Variants in OSTM1 observed in about 807,000 individuals in gnomAD.
The protein encoded by OSTM1 is osteopetrosis-associated transmembrane protein 1.
A neutral mutation model predicts 35.4 loss-of-function variants in OSTM1; 26 were observed. That is an observed-to-expected ratio of 0.73 (90% CI 0.54 to 1.02). The LOEUF (loss-of-function observed/expected upper bound fraction) is 1.02. Among genes scored for constraint, OSTM1 ranks in the 50% least tolerant of loss-of-function variants. The pLI, the probability that OSTM1 is intolerant of heterozygous loss-of-function variation, is 0.00. For missense variants in OSTM1, 366 were observed against 409.6 expected (o/e 0.89, Z 0.92); for synonymous variants, 181 against 165.0 (o/e 1.10, Z -0.75).
In OSTM1 at chr6:108,074,556, C is replaced by G; in HGVS notation, c.96G>C (p.Ala32=). ...LLLWSGLALG[A]LPFGSSPHRV... ...TGTGCGGACTGCTGCCGAAGGGGAG[C>G]GCGCCCAGGGCCAGCCCCGACCACA... The change falls in exon 1 of 6, where the codon GCG becomes GCC. Residue 32 remains alanine (A), a synonymous_variant. Transcript: ENST00000193322. The G allele has an allele frequency of 6.4e-7, 1 of 1,557,850 alleles. No individual in the cohort carries two copies. The highest frequency in any genetic ancestry group is 1.2e-5 in the South Asian group (1 of 85,140).
chr6:108,046,692 C>A (rs1771981528), intron 5 of OSTM1, among the ~76,000 whole-genome samples: 1 of 152,122 alleles, frequency 6.6e-6, no homozygotes, highest in Non-Finnish European at 1.5e-5. Flanking sequence ...AACATGACTT[C>A]CTGGACGAGT....
rs779470239 is a variant in OSTM1, at chr6:108,051,185, CTA to C, written c.627_628del (p.His209GlnfsTer17). 1.2e-6 allele frequency: 2 copies of C among 1,611,846 alleles called. No homozygotes were observed. The highest frequency in any genetic ancestry group is 1.7e-6 in the Non-Finnish European group (2 of 1,178,148). ...TGAATAATTTTTTGTCTGTAAAAGA[CTA>C]TGTGCATTCCCCTAAAATGACAAAG... is the stretch of plus-strand genomic sequence containing the variant. On this transcript the variant is annotated frameshift_variant, in exon 4 of 6. Coordinates refer to ENST00000193322, the MANE Select transcript of OSTM1 (RefSeq NM_014028.4). LOFTEE classifies it high-confidence loss of function.
intron 1 of OSTM1, among the ~76,000 whole-genome samples, chr6:108,067,828 T>C (rs1313233192): frequency 7.7e-5 from 6 of 77,802 alleles, no homozygotes; most frequent in Non-Finnish European, 1.5e-4. Flanking sequence ...AGCCTCTGTC[T>C]AAAAAAAAAA....
intron 5 of OSTM1, among the ~76,000 whole-genome samples, chr6:108,048,163 T>A (rs933332705): frequency 1.3e-5 from 2 of 152,140 alleles, no homozygotes; most frequent in Non-Finnish European, 2.9e-5. Context: ...TTTAAAAAAA[T>A]TAGATATATT....
At chr6:108,060,024 T>C (rs990137967) in intron 2 of OSTM1, among the ~76,000 whole-genome samples, 7 of 152,216 alleles carry the variant, frequency 4.6e-5, no homozygotes, top group Admixed American at 4.6e-4. Flanking sequence ...AGGGTACAAA[T>C]GCAAATACGG....
In OSTM1 at chr6:108,042,115, T is replaced by C. The variant is rs1431477019; in HGVS notation, c.*2670A>G. On this transcript the variant is annotated 3_prime_UTR_variant, in exon 6 of 6. Transcript: ENST00000193322. Reference sequence around the variant, plus strand: ...CCCAATATAAGTAACATTTACCAACTAGACTCTGGGCTACACTTTAAAATA... The same window carrying C: ...CCCAATATAAGTAACATTTACCAACCAGACTCTGGGCTACACTTTAAAATA... 1 of 151,654 alleles carries C rather than the reference T, an allele frequency of 6.6e-6. No homozygotes were observed. Among genetic ancestry groups the C allele is most frequent in the African/African-American group, 2.4e-5 (1 of 41,282 alleles). The allele number at this position is 151,654 out of a possible 1,614,324, so 9.4% of individuals were successfully genotyped here. A position where few individuals can be genotyped will look rare whatever the true frequency, so the allele number is the denominator to read the frequency against.
chr6:108,062,362 G>C (rs1383246155), intron 2 of OSTM1, among the ~76,000 whole-genome samples: 1 of 152,042 alleles, frequency 6.6e-6, no homozygotes, highest in Non-Finnish European at 1.5e-5. Flanking sequence ...ATTTCATTAT[G>C]CTACTCAGAA....
chr6:108,064,292 G>C lies in OSTM1; in HGVS notation c.410C>G (p.Ser137Ter), dbSNP rs2114606433. Residue 137 changes from serine to a stop codon, truncating the protein, a stop_gained, in exon 2 of 6, where the codon TCA becomes TGA. Coordinates refer to ENST00000193322, the MANE Select transcript of OSTM1 (RefSeq NM_014028.4). LOFTEE classifies it high-confidence loss of function. Reference protein sequence around the residue: ...DNISRAAGNTSESQSCARSLL... With the variant: ...DNISRAAGNT The stretch of plus-strand genomic sequence containing the variant: ...ACTTCTGGCACAACTCTGACTCTCT[G>C]AAGTATTCTGTAACAAAAAGAAGAC... The C allele has an allele frequency of 1.3e-6, 2 of 1,519,944 alleles. No individual in the cohort carries two copies. The highest frequency in any genetic ancestry group is 1.1e-5 in the South Asian group (1 of 89,358). 94.2% of individuals were successfully genotyped at this position (1,519,944 alleles called of 1,614,324 possible).
At chr6:108,058,073 A>G (rs1295498163) in intron 2 of OSTM1, among the ~76,000 whole-genome samples, 1 of 145,166 alleles carries the variant, frequency 6.9e-6, no homozygotes, top group Non-Finnish European at 1.5e-5. Flanking sequence ...TTTCTGAGAC[A>G]GAAGAATCTC....
At chr6:108,058,044 CTT>C (rs761751778) in intron 2 of OSTM1, among the ~76,000 whole-genome samples, 50 of 121,534 alleles carry the variant, frequency 4.1e-4, no homozygotes, top group African/African-American at 1.3e-3. Flanking sequence ...AAGAGTCAAT[CTT>C]TTTTTTTTTT....
At position 108,041,744 on chromosome 6, in the gene OSTM1, A is replaced by G. The variant is rs1030580701; in HGVS notation, c.*3041T>C. 2.0e-5 allele frequency: 3 copies of G among 152,178 alleles called. No homozygotes were observed. Among genetic ancestry groups the G allele is most frequent in the Non-Finnish European group, 4.4e-5 (3 of 68,030 alleles). The allele number at this position is 152,178 out of a possible 1,614,324, so 9.4% of individuals were successfully genotyped here. A position where few individuals can be genotyped will look rare whatever the true frequency, so the allele number is the denominator to read the frequency against. On this transcript the variant is annotated 3_prime_UTR_variant, in exon 6 of 6. Transcript: ENST00000193322. ...ATGTTCCACTTATTTAGTCTTAATA[A>G]GGTAGGGAAATAAGTGACATACTTT...
chr6:108,066,848 G>A (rs1463503824), intron 1 of OSTM1, among the ~76,000 whole-genome samples: 1 of 152,120 alleles, frequency 6.6e-6, no homozygotes, highest in Non-Finnish European at 1.5e-5. Flanking sequence ...CTGGACAGAT[G>A]TCCCTTTAAA....
intron 2 of OSTM1, among the ~76,000 whole-genome samples, chr6:108,056,962 T>C (rs1036266498): frequency 1.3e-5 from 2 of 152,216 alleles, no homozygotes; most frequent in Admixed American, 6.5e-5. Flanking sequence ...TAGGCCAGCA[T>C]GGTGGTTCAC....
intron 5 of OSTM1, among the ~76,000 whole-genome samples, chr6:108,046,413 C>G (rs990762310): frequency 1.3e-5 from 2 of 150,060 alleles, no homozygotes; most frequent in Admixed American, 1.3e-4. Flanking sequence ...GCGATCTCAG[C>G]TCACTGCAAC....
intron 2 of OSTM1, among the ~76,000 whole-genome samples, chr6:108,055,981 C>T (rs1481551470): frequency 6.6e-6 from 1 of 152,138 alleles, no homozygotes; most frequent in Non-Finnish European, 1.5e-5. Flanking sequence ...GGAAAGACAA[C>T]ATGCAAAGCT....
chr6:108,057,519 C>T (rs1562372848), intron 2 of OSTM1, among the ~76,000 whole-genome samples: 1 of 152,208 alleles, frequency 6.6e-6, no homozygotes, highest in East Asian at 1.9e-4. Flanking sequence ...GTATAAAGTG[C>T]ATTATCATGA....
At chr6:108,044,874 A>C in intron 5 of OSTM1, 34 bp from the exon 6 acceptor site, 1 of 1,099,566 alleles carries the variant, frequency 9.1e-7, no homozygotes, top group Non-Finnish European at 1.3e-6. Context: ...TTTTAATTTA[A>C]ATTTAATTAT....
chr6:108,074,636 T>G lies in OSTM1; in HGVS notation c.16A>C (p.Thr6Pro). 6.4e-7 allele frequency: 1 copy of G among 1,552,532 alleles called. No homozygotes were observed. Among genetic ancestry groups the G allele is most frequent in the Non-Finnish European group, 8.6e-7 (1 of 1,156,140 alleles). The change falls in exon 1 of 6, where the codon ACA becomes CCA. Residue 6 changes from threonine to proline, a missense_variant. Thr to Pro is a conservative substitution (Grantham distance 38, BLOSUM62 -1). Around this residue, in one of 3 missense-constraint regions of OSTM1, gnomAD observed 236 missense variants for 239.3 expected, o/e 0.99. Coordinates refer to ENST00000193322, the MANE Select transcript of OSTM1 (RefSeq NM_014028.4). MEPGP[T>P]AAQRRCSLPP... ...AACGAACACCTCCGCTGCGCGGCTG[T>G]CGGGCCCGGCTCCATCACCGGGCTC...
chr6:108,061,133 T>G (rs1671671402), intron 2 of OSTM1, among the ~76,000 whole-genome samples: 1 of 146,544 alleles, frequency 6.8e-6, no homozygotes, highest in Non-Finnish European at 1.5e-5. Context: ...CTCTGAAAAG[T>G]AAAGGATATG....
Sources: allele counts gnomAD v4.1 joint callset (sites outside exome capture counted in the v4.1 genomes callset), GRCh38; gene constraint gnomAD v4.1.1; regional missense constraint gnomAD v4.1.1; transcripts MANE v1.5; gene names NCBI Gene and HGNC (gene_info 2026-07-23, HGNC 2026-07-21).